The following FGF14 variants were observed in gnomAD, a reference collection of about 807,000 sequenced individuals.
FGF14 encodes fibroblast growth factor 14.
In FGF14, 5 loss-of-function variants were observed where a neutral mutation model predicts 25.5. The observed-to-expected ratio is 0.20, with a 90% confidence interval of 0.10 to 0.41. The LOEUF (loss-of-function observed/expected upper bound fraction) is 0.41. Ranked by LOEUF, FGF14 falls within the 10% of genes least tolerant of loss-of-function variation. FGF14 has a pLI of 1.00. For missense variants in FGF14, 222 were observed against 320.1 expected (o/e 0.69, Z 2.34); for synonymous variants, 138 against 118.3 (o/e 1.17, Z -1.08).
chr13:102,263,181 C>T (rs1340066499), intron 1 of FGF14: 7 of 562,914 alleles, frequency 1.2e-5, no homozygotes, highest in East Asian at 4.5e-5. Flanking sequence ...AGTCTTTTAA[C>T]CCTAAAAGTC....
intron 1 of FGF14, among the ~76,000 whole-genome samples, chr13:102,368,937 T>C (rs1015075915): frequency 6.6e-6 from 1 of 152,182 alleles, no homozygotes; most frequent in Non-Finnish European, 1.5e-5. Flanking sequence ...AATAATTTTT[T>C]AAAGCGAATC....
chr13:102,113,463 G>A (rs943832688), intron 1 of FGF14, among the ~76,000 whole-genome samples: 20 of 152,144 alleles, frequency 1.3e-4, no homozygotes, highest in African/African-American at 4.8e-4. Flanking sequence ...GATCCCTGGG[G>A]ACTATTTACT....
intron 3 of FGF14, among the ~76,000 whole-genome samples, chr13:101,850,048 G>C (rs2043670056): frequency 6.6e-6 from 1 of 151,642 alleles, no homozygotes; most frequent in African/African-American, 2.4e-5. Flanking sequence ...ATGAGAGAGG[G>C]AGAGGAAGGC....
At chr13:102,034,755 G>A (rs2041386375) in intron 1 of FGF14, among the ~76,000 whole-genome samples, 1 of 152,080 alleles carries the variant, frequency 6.6e-6, no homozygotes, top group South Asian at 2.1e-4. Context: ...CAGGGATGTT[G>A]GTGGCATTAG....
chr13:102,382,814 T>A (rs994765184), intron 1 of FGF14, among the ~76,000 whole-genome samples: 4 of 152,120 alleles, frequency 2.6e-5, no homozygotes, highest in African/African-American at 7.2e-5. Context: ...TATAGATTCA[T>A]GCTTGAATCT....
intron 1 of FGF14, among the ~76,000 whole-genome samples, chr13:102,118,585 G>A (rs970430549): frequency 6.6e-6 from 1 of 152,102 alleles, no homozygotes; most frequent in Admixed American, 6.6e-5. Context: ...GACATTAACA[G>A]TAGGTTTTCA....
chr13:102,372,783 G>A (rs924976414), intron 1 of FGF14, among the ~76,000 whole-genome samples: 1 of 152,150 alleles, frequency 6.6e-6, no homozygotes. Context: ...GCCCAGCAAT[G>A]CTGGTATTCC....
At chr13:101,914,923 T>C (rs933299343) in intron 1 of FGF14, among the ~76,000 whole-genome samples, 3 of 152,194 alleles carry the variant, frequency 2.0e-5, no homozygotes, top group African/African-American at 7.2e-5. Context: ...CCTCCGTCTA[T>C]CAACGGTGAT....
chr13:102,006,554 C>G (rs1218663425), intron 1 of FGF14, among the ~76,000 whole-genome samples: 1 of 151,902 alleles, frequency 6.6e-6, no homozygotes, highest in Non-Finnish European at 1.5e-5. Flanking sequence ...AACTCCTGAC[C>G]TTTTTTTAAA....
intron 1 of FGF14, among the ~76,000 whole-genome samples, chr13:102,102,390 A>C (rs2140290065): frequency 6.6e-6 from 1 of 152,364 alleles, no homozygotes; most frequent in South Asian, 2.1e-4. Flanking sequence ...GTAAGTCAGA[A>C]AAATGGAAGT....
rs549838028 is a variant in FGF14, at chr13:102,167,222, C to T, written c.208+234249G>A. 2.0e-5 allele frequency among the ~76,000 whole-genome samples: 3 copies of T among 148,060 alleles called. No homozygotes were observed. The South Asian group carries it at 6.4e-4, about 32-fold the overall frequency. On this transcript the variant is annotated intron_variant, in intron 1 of 4. Coordinates refer to the FGF14 transcript ENST00000376131. ...ACATGGTGGCATGCCCCTATAATCC[C>T]ATCTACTCAGGAGTCTGAGGCAGGA...
intron 1 of FGF14, among the ~76,000 whole-genome samples, chr13:102,153,703 T>C (rs1383535253): frequency 2.0e-5 from 3 of 152,130 alleles, no homozygotes; most frequent in Admixed American, 1.3e-4. Context: ...CAGTTCTCCC[T>C]CCCTCCTTGC....
At chr13:101,788,872 C>CTATATA (rs56084859) in intron 3 of FGF14, among the ~76,000 whole-genome samples, 67 of 26,350 alleles carry the variant, frequency 2.5e-3, no homozygotes, top group Middle Eastern at 0.038. Context: ...CCTTTTTTGA[C>CTATATA]TATATATATA....
intron 1 of FGF14, among the ~76,000 whole-genome samples, chr13:101,994,904 G>A (rs187153845): frequency 4.7e-4 from 71 of 151,958 alleles, no homozygotes; most frequent in African/African-American, 1.3e-3. Context: ...GTAATTAGGC[G>A]TTACATATGC....
At chr13:102,128,618 G>C (rs1294673435) in intron 1 of FGF14, among the ~76,000 whole-genome samples, 1 of 152,104 alleles carries the variant, frequency 6.6e-6, no homozygotes, top group Non-Finnish European at 1.5e-5. Context: ...TATCACTCTA[G>C]AGTCACTGAA....
At chr13:102,169,842 A>G (rs1465350550) in intron 1 of FGF14, among the ~76,000 whole-genome samples, 1 of 152,176 alleles carries the variant, frequency 6.6e-6, no homozygotes, top group Non-Finnish European at 1.5e-5. Flanking sequence ...CACCCAGTCC[A>G]GCAGCCACTG....
intron 1 of FGF14, among the ~76,000 whole-genome samples, chr13:102,159,514 C>T (rs916951637): frequency 3.3e-5 from 5 of 152,196 alleles, no homozygotes; most frequent in African/African-American, 1.2e-4. Context: ...AATGGGCTTT[C>T]AGAAAACCAC....
intron 1 of FGF14, among the ~76,000 whole-genome samples, chr13:102,012,668 G>T (rs952064761): frequency 1.3e-5 from 2 of 152,144 alleles, no homozygotes; most frequent in Non-Finnish European, 2.9e-5. Flanking sequence ...AAGTTGTGTG[G>T]TCATGTAATA....
chr13:102,371,786 T>C (rs146389147), intron 1 of FGF14, among the ~76,000 whole-genome samples: 4 of 152,332 alleles, frequency 2.6e-5, no homozygotes, highest in South Asian at 2.1e-4. Flanking sequence ...CAGTGTGTTA[T>C]GGAGTAATTA....
Sources: gnomAD v4.1 joint callset for allele counts (sites outside exome capture counted in the v4.1 genomes callset) on GRCh38, gnomAD v4.1.1 for gene constraint, MANE v1.5 for transcripts, NCBI Gene and HGNC (gene_info 2026-07-23, HGNC 2026-07-21) for gene names.